The following CDC73 variants were observed in gnomAD, a reference collection of about 807,000 sequenced individuals.
The protein encoded by CDC73 is parafibromin.
A neutral mutation model predicts 83.7 loss-of-function variants in CDC73; 21 were observed. The observed-to-expected ratio is 0.25, with a 90% CI of 0.18 to 0.36. The LOEUF is 0.36. CDC73 is among the 10% of genes least tolerant of loss of function. The pLI, the probability that CDC73 is intolerant of heterozygous loss-of-function variation, is 1.00. For missense variants in CDC73, 342 were observed against 653.3 expected (o/e 0.52, Z 5.19); for synonymous variants, 224 against 212.9 (o/e 1.05, Z -0.45).
At chr1:193,167,148 GA>G (rs1253980037) in intron 10 of CDC73, among the ~76,000 whole-genome samples, 1 of 152,166 alleles carries the variant, frequency 6.6e-6, no homozygotes, top group Non-Finnish European at 1.5e-5. Flanking sequence ...TAGTGTAGTA[GA>G]ATTCTTAGAT....
chr1:193,210,233 ATG>A (rs1314134719), intron 11 of CDC73, among the ~76,000 whole-genome samples: 2 of 152,196 alleles, frequency 1.3e-5, no homozygotes, highest in Non-Finnish European at 2.9e-5. Flanking sequence ...GTTTATCACA[ATG>A]AGAGAGCTAT....
chr1:193,253,465 G>A lies in CDC73; in HGVS notation c.*2753G>A, dbSNP rs1678076358. 8.6e-6 allele frequency: 2 copies of A among 232,088 alleles called. No individual in the cohort carries two copies. Among genetic ancestry groups the A allele is most frequent in the African/African-American group, 2.2e-5 (1 of 45,180 alleles). The allele number at this position is 232,088 out of a possible 1,614,324, so 14.4% of individuals were successfully genotyped here. A position where few individuals can be genotyped will look rare whatever the true frequency, so the allele number is the denominator to read the frequency against. ...TTGCACTAGACCATCCCTTTTATTG[G>A]TGGTATTGGCCTATATTCCCATTGA... On this transcript the variant is annotated 3_prime_UTR_variant, in exon 17 of 17. Transcript: ENST00000367435.
At chr1:193,160,314 A>T (rs1676287022) in intron 10 of CDC73, among the ~76,000 whole-genome samples, 1 of 152,172 alleles carries the variant, frequency 6.6e-6, no homozygotes, top group African/African-American at 2.4e-5. Flanking sequence ...CAAGATTACT[A>T]ATAATTTTTA....
chr1:193,142,650 C>T lies in CDC73; in HGVS notation c.729+584C>T, dbSNP rs527507288. 2.0e-5 allele frequency among the ~76,000 whole-genome samples: 3 copies of T among 151,764 alleles called. No homozygotes were observed. In the South Asian group the frequency reaches 6.3e-4, roughly 32 times the overall value. On this transcript the variant is annotated intron_variant, in intron 7 of 16. Coordinates refer to ENST00000367435, the MANE Select transcript of CDC73 (RefSeq NM_024529.5). ...CCCCCTCCTCCTTTCTCTCTTTCTC[C>T]TCCCGTTTCCCTCTCTTCCTCCTTC...
At chr1:193,205,850 C>G (rs1677181063) in intron 11 of CDC73, among the ~76,000 whole-genome samples, 2 of 151,668 alleles carry the variant, frequency 1.3e-5, no homozygotes, top group African/African-American at 4.9e-5. Context: ...GGGGTTGGGC[C>G]CAAAGAATAC....
chr1:193,234,238 T>G lies in CDC73; in HGVS notation c.1316+1084T>G, dbSNP rs544378226. On this transcript the variant is annotated intron_variant, in intron 14 of 16. Transcript: ENST00000367435. ...ACACACACATATATATATTTAAAAT[T>G]TATATATTTATTTATATATATAATT... Among the ~76,000 whole-genome samples the G allele has an allele frequency of 2.7e-3, 266 of 99,418 alleles. 3 individuals are homozygous for G. Among genetic ancestry groups the G allele is most frequent in the Non-Finnish European group, 4.6e-3 (236 of 50,934 alleles). 65.2% of individuals were successfully genotyped at this position (99,418 alleles called of 152,430 possible).
rs1678092579 is a variant in CDC73, at chr1:193,254,118, T to C, written c.*3406T>C. ...TGCAAAATTATGAGTAAGATAAGTC[T>C]TTTTAAATTTTTTATTTTTAATTTT... On this transcript the variant is annotated 3_prime_UTR_variant, in exon 17 of 17. Coordinates refer to ENST00000367435, the MANE Select transcript of CDC73 (RefSeq NM_024529.5). Among the ~76,000 whole-genome samples, 1 of 151,832 alleles carries C rather than the reference T, an allele frequency of 6.6e-6. No individual in the cohort carries two copies. Among genetic ancestry groups the C allele is most frequent in the South Asian group, 2.1e-4 (1 of 4,824 alleles).
At chr1:193,201,722 A>G (rs1248881787) in intron 10 of CDC73, among the ~76,000 whole-genome samples, 6 of 152,192 alleles carry the variant, frequency 3.9e-5, no homozygotes, top group African/African-American at 1.4e-4. Flanking sequence ...AAGGGTTACA[A>G]TTTATAGTGG....
intron 13 of CDC73, 128 bp downstream of exon 13, chr1:193,212,605 A>G (rs1677298804): frequency 3.6e-6 from 2 of 555,068 alleles, no homozygotes; most frequent in African/African-American, 3.8e-5. Context: ...GGCCTTACAC[A>G]TAGTATGAAG....
chr1:193,213,269 A>G (rs1677307714), intron 13 of CDC73, among the ~76,000 whole-genome samples: 1 of 152,204 alleles, frequency 6.6e-6, no homozygotes, highest in Non-Finnish European at 1.5e-5. Context: ...CTTCAATGAT[A>G]TAGACATTAA....
At chr1:193,162,525 A>G (rs1283705592) in intron 10 of CDC73, among the ~76,000 whole-genome samples, 1 of 151,262 alleles carries the variant, frequency 6.6e-6, no homozygotes, top group Non-Finnish European at 1.5e-5. Context: ...GGCGTGCACC[A>G]CCACGGCCTG....
chr1:193,235,452 A>G (rs1328018964), intron 14 of CDC73, among the ~76,000 whole-genome samples: 1 of 152,202 alleles, frequency 6.6e-6, no homozygotes, highest in African/African-American at 2.4e-5. Context: ...TGCTCAATAA[A>G]TGCTACTAAT....
At chr1:193,151,359 T>G (rs898336493) in intron 9 of CDC73, among the ~76,000 whole-genome samples, 1 of 152,212 alleles carries the variant, frequency 6.6e-6, no homozygotes, top group African/African-American at 2.4e-5. Context: ...CATTATAATA[T>G]TCAATGTTTT....
chr1:193,236,144 C>A, intron 14 of CDC73, 112 bp from the exon 15 acceptor site: 1 of 785,060 alleles, frequency 1.3e-6, no homozygotes, highest in Non-Finnish European at 2.4e-6. Context: ...AAGACTCTTT[C>A]ACATGAATGT....
At chr1:193,161,224 C>G (rs1312515586) in intron 10 of CDC73, 1 of 176,694 alleles carries the variant, frequency 5.7e-6, no homozygotes, top group Non-Finnish European at 1.2e-5. Context: ...TTTTAAATAC[C>G]TGTTTTTAAA....
chr1:193,207,320 A>T (rs368926792), intron 11 of CDC73, among the ~76,000 whole-genome samples: 1 of 152,224 alleles, frequency 6.6e-6, no homozygotes, highest in African/African-American at 2.4e-5. Context: ...ATGAGGGTCT[A>T]TGTCCCTCTC....
chr1:193,238,831 GTCT>G (rs1265248442), intron 15 of CDC73, among the ~76,000 whole-genome samples: 1 of 152,156 alleles, frequency 6.6e-6, no homozygotes, highest in Non-Finnish European at 1.5e-5. Flanking sequence ...TATCATAAAG[GTCT>G]TCATCTTCAT....
At position 193,129,392 on chromosome 1, in the gene CDC73, G is replaced by T. The variant is rs563606655; in HGVS notation, c.238-782G>T. On this transcript the variant is annotated intron_variant, in intron 2 of 16. Transcript: ENST00000367435. ...AGGGATGCGCCCGCCTTGGCCTCCC[G>T]CAGTGCTGGGATTACAGGTGTGGGC... Among the ~76,000 whole-genome samples, 18 of 150,796 alleles carry T rather than the reference G, an allele frequency of 1.2e-4. 1 individual carries two copies. In the South Asian group the frequency reaches 3.8e-3, roughly 32 times the overall value.
At chr1:193,180,173 T>C (rs1167184667) in intron 10 of CDC73, 1 of 835,186 alleles carries the variant, frequency 1.2e-6, no homozygotes, top group Non-Finnish European at 1.7e-6. Flanking sequence ...AAAAAATACT[T>C]CTTGAATTTC....
Sources: gnomAD v4.1 joint callset for allele counts (sites outside exome capture counted in the v4.1 genomes callset) on GRCh38, gnomAD v4.1.1 for gene constraint, MANE v1.5 for transcripts, NCBI Gene and HGNC (gene_info 2026-07-23, HGNC 2026-07-21) for gene names.